ARPC1A: variants seen among roughly 807,000 people sequenced by gnomAD.
The protein encoded by ARPC1A is actin related protein 2/3 complex subunit 1A, also known as actin-related protein 2/3 complex subunit 1A.
ARPC1A carries 8 observed loss-of-function variants against 46.9 expected under a neutral mutation model. That is an observed-to-expected ratio of 0.17 (90% CI 0.10 to 0.31). The LOEUF (loss-of-function observed/expected upper bound fraction) is 0.31, where lower values mean the gene tolerates loss of function less well. Among genes scored for constraint, ARPC1A ranks in the 10% least tolerant of loss-of-function variants. The pLI is 1.00. For missense variants in ARPC1A, 286 were observed against 483.6 expected (o/e 0.59, Z 3.83); for synonymous variants, 152 against 169.0 (o/e 0.90, Z 0.78).
chr7:99,346,052 A>G (rs1793439288), intron 4 of ARPC1A, among the ~76,000 whole-genome samples: 1 of 152,040 alleles, frequency 6.6e-6, no homozygotes, highest in Non-Finnish European at 1.5e-5. Context: ...TGTCTCTACT[A>G]AAAATACAAA....
At chr7:99,340,636 T>A (rs569648134) in intron 3 of ARPC1A, among the ~76,000 whole-genome samples, 8 of 152,318 alleles carry the variant, frequency 5.3e-5, no homozygotes, top group African/African-American at 1.7e-4. Context: ...GATTTCACCA[T>A]GTCGCCCAGG....
At position 99,338,191 on chromosome 7, in the gene ARPC1A, C is replaced by T; in HGVS notation, c.75C>T (p.Leu25=). The T allele has an allele frequency of 1.2e-6, 2 of 1,611,426 alleles. No homozygotes were observed. The highest frequency in any genetic ancestry group is 1.7e-6 in the Non-Finnish European group (2 of 1,177,994). The part of the protein sequence containing the change: ...AWNRDRTQIA[L]SPNNHEVHIY... ...GACTTGTGTCTCCAGAGATTGCCCT[C>T]AGTCCCAATAATCACGAAGTGCACA... The change falls in exon 3 of 10, where the codon CTC becomes CTT. Residue 25 remains leucine, a synonymous_variant. Coordinates refer to ENST00000262942, the MANE Select transcript of ARPC1A (RefSeq NM_006409.4).
rs1425548319 is a variant in ARPC1A at position 99,338,278 on chromosome 7, C to T, written c.162C>T (p.His54=). 1 of 1,597,550 alleles carries T rather than the reference C, an allele frequency of 6.3e-7. No individual in the cohort carries two copies. The highest frequency in any genetic ancestry group is 1.7e-5 in the Admixed American group (1 of 59,332). ...KAHELKEHNG[H]ITGIDWAPKS... is the part of the protein sequence containing the mutation. ...ATGAACTCAAGGAGCACAACGGACA[C>T]ATCACAGGTAAAGGAAGATAGCCGT... The change falls in exon 3 of 10, where the codon CAC becomes CAT. Residue 54 remains histidine, a synonymous_variant. Transcript: ENST00000262942.
intron 3 of ARPC1A, among the ~76,000 whole-genome samples, chr7:99,339,379 G>A (rs143173790): frequency 9.8e-4 from 149 of 152,158 alleles, no homozygotes; most frequent in African/African-American, 3.4e-3. Flanking sequence ...GAGACCCCCC[G>A]TTAGCACGGT....
intron 1 of ARPC1A, among the ~76,000 whole-genome samples, chr7:99,329,820 G>C (rs1793115130): frequency 6.6e-6 from 1 of 152,188 alleles, no homozygotes; most frequent in Non-Finnish European, 1.5e-5. Flanking sequence ...CATGAACCAT[G>C]TACTTTTATG....
intron 9 of ARPC1A, among the ~76,000 whole-genome samples, chr7:99,365,315 C>T (rs1422084555): frequency 1.3e-5 from 2 of 151,990 alleles, no homozygotes; most frequent in Non-Finnish European, 1.5e-5. Flanking sequence ...GCCAGGCGCA[C>T]TGACCCACTC....
chr7:99,354,144 G>A (rs1416667854), intron 6 of ARPC1A, 23 bp downstream of exon 6: 3 of 1,605,584 alleles, frequency 1.9e-6, no homozygotes, highest in Non-Finnish European at 2.6e-6. Flanking sequence ...CTTTCATTTG[G>A]AAGGTGGGGA....
chr7:99,363,721 G>C lies in ARPC1A; in HGVS notation c.1074+88G>C, dbSNP rs1793779513. Reference sequence around the variant, plus strand: ...GATAGGCTCCTTCTCTGTCACCCAGGTTGGAGTAAGTGGCACAATCATGGC... The same window carrying C: ...GATAGGCTCCTTCTCTGTCACCCAGCTTGGAGTAAGTGGCACAATCATGGC... On this transcript the variant is annotated intron_variant, in intron 9 of 9. Coordinates refer to ENST00000262942, the MANE Select transcript of ARPC1A (RefSeq NM_006409.4). The C allele has an allele frequency of 1.7e-5, 16 of 954,970 alleles. No individual in the cohort carries two copies. The South Asian group carries it at 2.3e-4, about 14-fold the overall frequency. 59.2% of individuals were successfully genotyped at this position (954,970 alleles called of 1,614,324 possible).
At chr7:99,360,253 G>A (rs559295227) in intron 8 of ARPC1A, 42 of 164,894 alleles carry the variant, frequency 2.5e-4, no homozygotes, top group African/African-American at 8.9e-4. Context: ...GCTGAGGAGT[G>A]TCTCGACTGG....
At chr7:99,346,973 T>C (rs964746066) in intron 4 of ARPC1A, among the ~76,000 whole-genome samples, 1 of 152,166 alleles carries the variant, frequency 6.6e-6, no homozygotes, top group Non-Finnish European at 1.5e-5. Context: ...AGCAAGACTC[T>C]GTCTCAAAAA....
At chr7:99,353,835 C>A in intron 5 of ARPC1A, 74 bp from the exon 6 acceptor site, 2 of 1,405,022 alleles carry the variant, frequency 1.4e-6, no homozygotes, top group Non-Finnish European at 2.0e-6. Flanking sequence ...TTCCTTGTGG[C>A]AGCTGCCTAT....
In ARPC1A at chr7:99,354,089, C is replaced by T. The variant is rs775050152; in HGVS notation, c.681C>T (p.Thr227=). ...TGGCCTGGGTCAGCCACGACAGCAC[C>T]GTGTCTGTTGCTGATGCCTCAAAAA... ...SRLAWVSHDS[T]VSVADASKSV... Residue 227 remains threonine, a synonymous_variant, in exon 6 of 10, where the codon ACC becomes ACT. Transcript: ENST00000262942. 8.7e-6 allele frequency: 14 copies of T among 1,613,898 alleles called. No homozygotes were observed. The highest frequency in any genetic ancestry group is 4.4e-5 in the South Asian group (4 of 91,086).
intron 2 of ARPC1A, among the ~76,000 whole-genome samples, chr7:99,335,862 G>C (rs1191179208): frequency 6.6e-6 from 1 of 151,970 alleles, no homozygotes; most frequent in Non-Finnish European, 1.5e-5. Flanking sequence ...GCTGAGGCAG[G>C]AGAATGGCGT....
intron 1 of ARPC1A, among the ~76,000 whole-genome samples, chr7:99,328,407 AC>A (rs1793086861): frequency 6.6e-6 from 1 of 152,204 alleles, no homozygotes; most frequent in South Asian, 2.1e-4. Flanking sequence ...GAGAAAGGGA[AC>A]CTGCTGGCAT....
At chr7:99,341,406 G>A (rs1793355352) in intron 3 of ARPC1A, among the ~76,000 whole-genome samples, 1 of 152,024 alleles carries the variant, frequency 6.6e-6, no homozygotes, top group South Asian at 2.1e-4. Context: ...TCGGGAGTTC[G>A]AGACCAGCGT....
intron 3 of ARPC1A, among the ~76,000 whole-genome samples, chr7:99,342,148 T>A (rs537859622): frequency 2.0e-5 from 3 of 152,308 alleles, no homozygotes; most frequent in African/African-American, 7.2e-5. Flanking sequence ...TAACAGCCAA[T>A]CTTGTTCTTC....
At chr7:99,338,135 C>T in intron 2 of ARPC1A, 46 bp from the exon 3 acceptor site, 1 of 1,423,198 alleles carries the variant, frequency 7.0e-7, no homozygotes, top group Non-Finnish European at 9.8e-7. Context: ...TTTTTGGTGA[C>T]AATTGCAAGT....
chr7:99,348,608 G>T (rs1488653236), intron 4 of ARPC1A, among the ~76,000 whole-genome samples: 1 of 152,218 alleles, frequency 6.6e-6, no homozygotes, highest in African/African-American at 2.4e-5. Flanking sequence ...GTCTCTGGCA[G>T]AAGGCCTGGT....
rs748286215 is a variant in ARPC1A, at chr7:99,354,171, C to G, written c.713+50C>G. The G allele has an allele frequency of 1.9e-6, 3 of 1,584,722 alleles. No homozygotes were observed. In the Admixed American group the frequency reaches 5.2e-5, roughly 27 times the overall value. On this transcript the variant is annotated intron_variant, in intron 6 of 9. Coordinates refer to ENST00000262942, the MANE Select transcript of ARPC1A (RefSeq NM_006409.4). The stretch of plus-strand genomic sequence containing the variant: ...AGGTGGGGAACAAGGGGTGGGATCT[C>G]TCACCAGCTGAACCAGGACTGCCCT...
Sources: allele counts gnomAD v4.1 joint callset (sites outside exome capture counted in the v4.1 genomes callset), GRCh38; gene constraint gnomAD v4.1.1; transcripts MANE v1.5; gene names NCBI Gene and HGNC (gene_info 2026-07-23, HGNC 2026-07-21).